Variants in PPP2R2B observed in about 807,000 individuals in gnomAD.
PPP2R2B encodes the protein serine/threonine-protein phosphatase 2A 55 kDa regulatory subunit B beta isoform.
In PPP2R2B, 5 loss-of-function variants were observed where a neutral mutation model predicts 46.0. That is an observed-to-expected ratio of 0.11 (90% CI 0.06 to 0.23). The LOEUF (loss-of-function observed/expected upper bound fraction) is 0.23. Ranked by LOEUF, PPP2R2B falls within the 10% of genes least tolerant of loss-of-function variation. PPP2R2B has a pLI of 1.00. For missense variants in PPP2R2B, 367 were observed against 575.0 expected (o/e 0.64, Z 3.70); for synonymous variants, 215 against 206.7 (o/e 1.04, Z -0.34).
intron 7 of PPP2R2B, among the ~76,000 whole-genome samples, chr5:146,604,190 T>G (rs1772049655): frequency 6.6e-6 from 1 of 152,182 alleles, no homozygotes. Context: ...GATTTTACTG[T>G]GTTATCAGAC....
chr5:146,899,047 A>C (rs574267400), intron 1 of PPP2R2B, among the ~76,000 whole-genome samples: 16 of 151,902 alleles, frequency 1.1e-4, no homozygotes, highest in African/African-American at 3.4e-4. Context: ...TAGTTCAACC[A>C]TTGTGGAAGT....
At chr5:146,872,967 G>A (rs965036353) in intron 2 of PPP2R2B, among the ~76,000 whole-genome samples, 1 of 152,050 alleles carries the variant, frequency 6.6e-6, no homozygotes, top group Non-Finnish European at 1.5e-5. Context: ...TAATATGCTG[G>A]TGATGTTTAA....
At chr5:147,049,926 G>A (rs1580856240) in intron 1 of PPP2R2B, among the ~76,000 whole-genome samples, 1 of 152,186 alleles carries the variant, frequency 6.6e-6, no homozygotes, top group South Asian at 2.1e-4. Context: ...AGGTGATGGG[G>A]CAGCGGGTGA....
chr5:146,980,111 C>A (rs142233065), intron 1 of PPP2R2B, among the ~76,000 whole-genome samples: 57 of 151,938 alleles, frequency 3.8e-4, no homozygotes, highest in Admixed American at 2.6e-3. Flanking sequence ...TGGAGAGATG[C>A]CAATGATATA....
chr5:146,805,285 T>C (rs1270561210), intron 2 of PPP2R2B, among the ~76,000 whole-genome samples: 2 of 152,118 alleles, frequency 1.3e-5, no homozygotes, highest in Admixed American at 1.3e-4. Flanking sequence ...AGCATCCTTC[T>C]CTTTACCCAG....
intron 1 of PPP2R2B, among the ~76,000 whole-genome samples, chr5:146,927,357 T>G (rs954252376): frequency 6.6e-6 from 1 of 152,166 alleles, no homozygotes; most frequent in African/African-American, 2.4e-5. Context: ...TTTCACACAC[T>G]TAAGTCCAAC....
chr5:146,843,019 T>A (rs1759760059), intron 2 of PPP2R2B, among the ~76,000 whole-genome samples: 3 of 152,118 alleles, frequency 2.0e-5, no homozygotes, highest in Non-Finnish European at 4.4e-5. Flanking sequence ...AGAAACCCCA[T>A]CTCTACTAAA....
chr5:146,820,703 G>A (rs544796505), intron 2 of PPP2R2B, among the ~76,000 whole-genome samples: 2 of 152,126 alleles, frequency 1.3e-5, no homozygotes, highest in South Asian at 2.1e-4. Flanking sequence ...CATGTGGAAC[G>A]TCAGGCTGCT....
chr5:146,924,123 C>T (rs191720012), intron 1 of PPP2R2B, among the ~76,000 whole-genome samples: 42 of 152,280 alleles, frequency 2.8e-4, no homozygotes, highest in Admixed American at 1.6e-3. Context: ...CTAATGGGTA[C>T]TAGGCTTAAT....
chr5:147,030,983 T>C (rs1266802741), intron 1 of PPP2R2B, among the ~76,000 whole-genome samples: 3 of 152,164 alleles, frequency 2.0e-5, no homozygotes, highest in Non-Finnish European at 4.4e-5. Flanking sequence ...ACGCCTGTAA[T>C]CCCAGCACTT....
intron 5 of PPP2R2B, among the ~76,000 whole-genome samples, chr5:146,660,450 G>A (rs1434657825): frequency 6.6e-6 from 1 of 152,096 alleles, no homozygotes; most frequent in Non-Finnish European, 1.5e-5. Flanking sequence ...AATTAGTGGA[G>A]CGTTAAACCT....
At chr5:146,885,613 C>T (rs1241680241) in intron 1 of PPP2R2B, among the ~76,000 whole-genome samples, 1 of 152,098 alleles carries the variant, frequency 6.6e-6, no homozygotes, top group Non-Finnish European at 1.5e-5. Flanking sequence ...AATTTCACTT[C>T]TATGTATATA....
intron 7 of PPP2R2B, among the ~76,000 whole-genome samples, chr5:146,629,345 T>C (rs376433805): frequency 6.6e-6 from 1 of 152,070 alleles, no homozygotes; most frequent in East Asian, 1.9e-4. Context: ...TTATCTTAGA[T>C]TCTCCCTTTT....
intron 2 of PPP2R2B, among the ~76,000 whole-genome samples, chr5:146,821,764 C>T (rs567646440): frequency 6.7e-6 from 1 of 149,866 alleles, no homozygotes; most frequent in Non-Finnish European, 1.5e-5. Flanking sequence ...ACCTCATGTG[C>T]CTAGTACTCT....
intron 7 of PPP2R2B, chr5:146,607,003 C>T (rs1432009656): frequency 2.6e-5 from 4 of 152,198 alleles, no homozygotes; most frequent in Admixed American, 2.6e-4. Context: ...CGTTTGGAGA[C>T]ATGGTTGACA....
intron 2 of PPP2R2B, among the ~76,000 whole-genome samples, chr5:146,875,893 C>T (rs796867804): frequency 6.6e-5 from 10 of 152,244 alleles, no homozygotes; most frequent in African/African-American, 2.4e-4. Context: ...GGACTCTTCC[C>T]CCTCTGGCAA....
At chr5:146,674,722 A>G (rs924199776) in intron 5 of PPP2R2B, among the ~76,000 whole-genome samples, 3 of 152,140 alleles carry the variant, frequency 2.0e-5, no homozygotes, top group Admixed American at 1.3e-4. Context: ...CTCCCTTTCA[A>G]TGTAGGTGCC....
chr5:146,658,884 T>A (rs1211668707), intron 5 of PPP2R2B, among the ~76,000 whole-genome samples: 2 of 152,238 alleles, frequency 1.3e-5, no homozygotes, highest in African/African-American at 4.8e-5. Flanking sequence ...TATTTATTCA[T>A]CATTTGTCAG....
At chr5:146,681,776 A>C (rs528941275) in intron 5 of PPP2R2B, among the ~76,000 whole-genome samples, 1 of 152,232 alleles carries the variant, frequency 6.6e-6, no homozygotes, top group Non-Finnish European at 1.5e-5. Flanking sequence ...ACCTTCCCAC[A>C]TCTCTGAAAT....
Sources: allele counts gnomAD v4.1 joint callset (sites outside exome capture counted in the v4.1 genomes callset), GRCh38; gene constraint gnomAD v4.1.1; transcripts MANE v1.5; gene names NCBI Gene and HGNC (gene_info 2026-07-23, HGNC 2026-07-21).